Variants in IMPA1 observed in about 807,000 individuals in gnomAD.
IMPA1 encodes the protein D-galactose 1-phosphate phosphatase.
In IMPA1, 21 loss-of-function variants were observed where a neutral mutation model predicts 34.9. The observed-to-expected ratio is 0.60, with a 90% CI of 0.43 to 0.87. The LOEUF (loss-of-function observed/expected upper bound fraction) is 0.87, where lower values mean the gene tolerates loss of function less well. Among genes scored for constraint, IMPA1 ranks in the 40% least tolerant of loss-of-function variants. The pLI is 0.00. For missense variants in IMPA1, 299 were observed against 336.4 expected (o/e 0.89, Z 0.87); for synonymous variants, 95 against 104.4 (o/e 0.91, Z 0.55).
At chr8:81,682,203 GAAA>G (rs145233327) in intron 1 of IMPA1, among the ~76,000 whole-genome samples, 1 of 150,582 alleles carries the variant, frequency 6.6e-6, no homozygotes, top group Admixed American at 6.6e-5. Flanking sequence ...TTCACAGAGG[GAAA>G]AAAAAACCCA....
chr8:81,686,258 T>A lies in IMPA1; in HGVS notation c.-31A>T. Reference sequence around the variant, plus strand: ...AGGAAAATAACGGTCTCACCTTGAGTCGGAGGACGTCCGGCTAGCTCTGTG... The same window carrying A: ...AGGAAAATAACGGTCTCACCTTGAGACGGAGGACGTCCGGCTAGCTCTGTG... On this transcript the variant is annotated 5_prime_UTR_variant, in exon 1 of 9. Coordinates refer to ENST00000256108, the MANE Select transcript of IMPA1 (RefSeq NM_005536.4). 3 of 1,006,094 alleles carry A rather than the reference T, an allele frequency of 3.0e-6. No homozygotes were observed. Among genetic ancestry groups the A allele is most frequent in the Non-Finnish European group, 3.6e-6 (3 of 841,934 alleles). 62.3% of individuals were successfully genotyped at this position (1,006,094 alleles called of 1,614,324 possible). A position where few individuals can be genotyped will look rare whatever the true frequency, so the allele number is the denominator to read the frequency against.
intron 7 of IMPA1, among the ~76,000 whole-genome samples, chr8:81,661,609 A>G (rs552915282): frequency 6.0e-4 from 91 of 152,378 alleles, no homozygotes; most frequent in Non-Finnish European, 1.1e-3. Flanking sequence ...AAGACTAAGC[A>G]AGTTCTAAAT....
intron 5 of IMPA1, among the ~76,000 whole-genome samples, chr8:81,675,166 A>G (rs1399788555): frequency 3.3e-5 from 5 of 152,090 alleles, no homozygotes; most frequent in Non-Finnish European, 5.9e-5. Flanking sequence ...CTCCATGAAC[A>G]TCTCACCATT....
In IMPA1 at chr8:81,686,304, C is replaced by T; in HGVS notation, c.-77G>A. 8.1e-6 allele frequency: 8 copies of T among 988,832 alleles called. No individual in the cohort carries two copies. Among genetic ancestry groups the T allele is most frequent in the Non-Finnish European group, 9.6e-6 (8 of 832,040 alleles). 61.3% of individuals were successfully genotyped at this position (988,832 alleles called of 1,614,324 possible). A position where few individuals can be genotyped will look rare whatever the true frequency, so the allele number is the denominator to read the frequency against. ...CTGTGAACGGTGTTACCGCACTCGTCTCTTCCGGAGGTAGAGGGGCTACTC... is the reference window on the plus strand; with the variant it reads ...CTGTGAACGGTGTTACCGCACTCGTTTCTTCCGGAGGTAGAGGGGCTACTC... On this transcript the variant is annotated 5_prime_UTR_variant, in exon 1 of 9. Coordinates refer to ENST00000256108, the MANE Select transcript of IMPA1 (RefSeq NM_005536.4).
intron 7 of IMPA1, among the ~76,000 whole-genome samples, chr8:81,661,788 A>G (rs1236357395): frequency 6.6e-6 from 1 of 152,222 alleles, no homozygotes; most frequent in Non-Finnish European, 1.5e-5. Flanking sequence ...TGTCCCTTTT[A>G]TTAAAGACAC....
intron 4 of IMPA1, among the ~76,000 whole-genome samples, chr8:81,677,087 T>C (rs1165075810): frequency 6.6e-6 from 1 of 151,978 alleles, no homozygotes; most frequent in Non-Finnish European, 1.5e-5. Context: ...AAAAAGCATA[T>C]ATTTTAGTGA....
Position 81,686,282 on chromosome 8 carries a change from T to C in IMPA1, c.-55A>G, listed in dbSNP as rs1807524383. ...GTCGGAGGACGTCCGGCTAGCTCTG[T>C]GAACGGTGTTACCGCACTCGTCTCT... On this transcript the variant is annotated 5_prime_UTR_variant, in exon 1 of 9. Coordinates refer to ENST00000256108, the MANE Select transcript of IMPA1 (RefSeq NM_005536.4). 3.0e-6 allele frequency: 3 copies of C among 995,598 alleles called. No homozygotes were observed. The highest frequency in any genetic ancestry group is 3.6e-6 in the Non-Finnish European group (3 of 835,796). The allele number at this position is 995,598 out of a possible 1,614,324, so 61.7% of individuals were successfully genotyped here. A position where few individuals can be genotyped will look rare whatever the true frequency, so the allele number is the denominator to read the frequency against.
chr8:81,662,554 T>C (rs901639777), intron 7 of IMPA1, among the ~76,000 whole-genome samples: 1 of 149,244 alleles, frequency 6.7e-6, no homozygotes, highest in East Asian at 2.0e-4. Context: ...CTGAATCCTA[T>C]CTTATGTGGT....
At chr8:81,685,463 T>C (rs1241038160) in intron 1 of IMPA1, among the ~76,000 whole-genome samples, 1 of 142,524 alleles carries the variant, frequency 7.0e-6, no homozygotes, top group African/African-American at 2.5e-5. Context: ...TATATAAGTA[T>C]ATATACCTAA....
chr8:81,664,393 G>A (rs2130252167), intron 7 of IMPA1, among the ~76,000 whole-genome samples: 1 of 152,248 alleles, frequency 6.6e-6, no homozygotes, highest in Non-Finnish European at 1.5e-5. Context: ...TTCTAACAGA[G>A]CACCGGAAGC....
chr8:81,674,050 T>C lies in IMPA1; in HGVS notation c.349-101A>G, dbSNP rs1807065982. On this transcript the variant is annotated intron_variant, in intron 5 of 8. Transcript: ENST00000256108. ...AATCTGGTATACTGACTAGTAACAA[T>C]GGACTGAAATGGCTAAACTGTGGGA... 3 of 685,576 alleles carry C rather than the reference T, an allele frequency of 4.4e-6. No homozygotes were observed. In the African/African-American group the frequency reaches 5.3e-5, roughly 12 times the overall value. 42.5% of individuals were successfully genotyped at this position (685,576 alleles called of 1,614,324 possible).
chr8:81,669,524 G>A (rs746068084), intron 7 of IMPA1, among the ~76,000 whole-genome samples: 32 of 152,172 alleles, frequency 2.1e-4, no homozygotes, highest in African/African-American at 3.1e-4. Flanking sequence ...CTTGCCTAGC[G>A]CCTGTTCTTT....
rs569455332 is a variant in IMPA1, at chr8:81,680,721, C to T, written c.126G>A (p.Leu42=). The T allele has an allele frequency of 1.2e-6, 2 of 1,611,356 alleles. No homozygotes were observed. The highest frequency in any genetic ancestry group is 2.2e-5 in the East Asian group (1 of 44,846). The change falls in exon 3 of 9, where the codon TTG becomes TTA. Residue 42 remains leucine (L), a synonymous_variant. Transcript: ENST00000256108. ...NVMLKSSPVD[L]VTATDQKVEK... is the part of the protein sequence containing the mutation. Reference sequence around the variant, plus strand: ...CAACTTTTTGGTCCGTAGCAGTTACCAAATCAACTGGAGAACTTTTCAGCA... The same window carrying T: ...CAACTTTTTGGTCCGTAGCAGTTACTAAATCAACTGGAGAACTTTTCAGCA...
chr8:81,685,905 C>T (rs1419815630), intron 1 of IMPA1: 1 of 1,545,260 alleles, frequency 6.5e-7, no homozygotes, highest in Non-Finnish European at 8.7e-7. Context: ...AGGACCTGGG[C>T]GCTGCCCCAT....
intron 7 of IMPA1, among the ~76,000 whole-genome samples, chr8:81,663,752 T>G (rs147244688): frequency 1.3e-5 from 2 of 152,190 alleles, no homozygotes; most frequent in Non-Finnish European, 1.5e-5. Context: ...AGAAATACTA[T>G]TTAATGGCGG....
intron 3 of IMPA1, 135 bp downstream of exon 3, chr8:81,680,509 GACTGCA>G: frequency 4.7e-6 from 3 of 633,848 alleles, no homozygotes; most frequent in Non-Finnish European, 8.1e-6. Context: ...ACCTTCAGTT[GACTGCA>G]GCCTTGACCA....
intron 1 of IMPA1, among the ~76,000 whole-genome samples, chr8:81,683,020 C>T (rs1807346061): frequency 6.6e-6 from 1 of 152,180 alleles, no homozygotes. Context: ...CAATGAGAAG[C>T]ATCTAACAGG....
At chr8:81,659,758 T>C (rs1187694732) in intron 8 of IMPA1, among the ~76,000 whole-genome samples, 1 of 152,208 alleles carries the variant, frequency 6.6e-6, no homozygotes, top group Non-Finnish European at 1.5e-5. Context: ...GGACAGAAAA[T>C]GTGAATCCAA....
intron 3 of IMPA1, among the ~76,000 whole-genome samples, chr8:81,680,401 T>G (rs78961078): frequency 0.05 from 7,665 of 152,266 alleles, 212 homozygotes; most frequent in Middle Eastern, 0.14. Flanking sequence ...AGAGGCTACA[T>G]GGTAAGGAAC....
Sources: gnomAD v4.1 joint callset for allele counts (sites outside exome capture counted in the v4.1 genomes callset) on GRCh38, gnomAD v4.1.1 for gene constraint, MANE v1.5 for transcripts, NCBI Gene and HGNC (gene_info 2026-07-23, HGNC 2026-07-21) for gene names.